Variants in CFAP206 observed in about 807,000 individuals in gnomAD.
The protein encoded by CFAP206 is cilia- and flagella-associated protein 206.
A neutral mutation model predicts 65.4 loss-of-function variants in CFAP206; 53 were observed. That is an observed-to-expected ratio of 0.81 (90% CI 0.65 to 1.02). The LOEUF (loss-of-function observed/expected upper bound fraction) is 1.02, where lower values mean the gene tolerates loss of function less well. Ranked by LOEUF, CFAP206 falls within the 50% of genes least tolerant of loss-of-function variation. The pLI is 0.00. For synonymous variants in CFAP206, 250 were observed against 254.4 expected (o/e 0.98, Z 0.17); for missense variants, 663 against 753.2 (o/e 0.88, Z 1.40).
chr6:87,430,580 T>C (rs1768139520), intron 9 of CFAP206, among the ~76,000 whole-genome samples: 1 of 152,206 alleles, frequency 6.6e-6, no homozygotes, highest in Non-Finnish European at 1.5e-5. Context: ...CCTAGCATAT[T>C]ATTAAGAACA....
intron 3 of CFAP206, 137 bp downstream of exon 3, chr6:87,410,805 A>G (rs957745986): frequency 3.3e-5 from 22 of 664,722 alleles, no homozygotes; most frequent in Middle Eastern, 7.7e-4. Flanking sequence ...TATTTTTCTC[A>G]TAACACAAAA....
intron 9 of CFAP206, 127 bp from the exon 10 acceptor site, chr6:87,430,906 G>GT: frequency 1.2e-6 from 1 of 837,912 alleles, no homozygotes; most frequent in East Asian, 2.7e-5. Flanking sequence ...TGAATATCAA[G>GT]TTTTTGCCCA....
chr6:87,411,566 T>C (rs1767736077), intron 3 of CFAP206, among the ~76,000 whole-genome samples: 1 of 152,258 alleles, frequency 6.6e-6, no homozygotes, highest in Non-Finnish European at 1.5e-5. Flanking sequence ...CTGTTGCATT[T>C]ACTTTTAAGT....
intron 10 of CFAP206, among the ~76,000 whole-genome samples, chr6:87,431,391 G>A (rs1233942448): frequency 2.0e-5 from 3 of 152,244 alleles, no homozygotes; most frequent in Non-Finnish European, 4.4e-5. Flanking sequence ...AATGGAAAGT[G>A]TATATGTGTT....
At chr6:87,426,484 A>G in intron 7 of CFAP206, 42 bp from the exon 8 acceptor site, 3 of 1,411,118 alleles carry the variant, frequency 2.1e-6, no homozygotes, top group Non-Finnish European at 2.9e-6. Flanking sequence ...TTTTTATAGT[A>G]GAATTATAAA....
intron 11 of CFAP206, among the ~76,000 whole-genome samples, chr6:87,454,853 A>AAC (rs891380958): frequency 1.3e-5 from 2 of 150,586 alleles, no homozygotes; most frequent in Non-Finnish European, 3.0e-5. Context: ...TCAAAAAAAA[A>AAC]AAAAAACAAA....
intron 11 of CFAP206, among the ~76,000 whole-genome samples, chr6:87,450,475 A>ATGTGTGTGTGTGTG (rs55870560): frequency 2.5e-4 from 32 of 130,402 alleles, no homozygotes; most frequent in African/African-American, 6.2e-4. Context: ...ATAAATGAAA[A>ATGTGTGTGTGTGTG]TGTGTGTGTG....
intron 11 of CFAP206, among the ~76,000 whole-genome samples, chr6:87,458,247 G>A (rs1426946521): frequency 1.3e-5 from 2 of 152,056 alleles, no homozygotes; most frequent in East Asian, 1.9e-4. Context: ...AAGCCACTAT[G>A]GAGAACAGTA....
At chr6:87,451,684 A>G (rs1181231776) in intron 11 of CFAP206, among the ~76,000 whole-genome samples, 2 of 151,962 alleles carry the variant, frequency 1.3e-5, no homozygotes, top group Non-Finnish European at 2.9e-5. Flanking sequence ...CTTGGGTACC[A>G]GCTCAGTCAC....
chr6:87,420,598 T>G (rs538030577), intron 7 of CFAP206, among the ~76,000 whole-genome samples: 76 of 152,354 alleles, frequency 5.0e-4, no homozygotes, highest in African/African-American at 1.8e-3. Context: ...TTATTCATAG[T>G]CTTCACCATG....
intron 11 of CFAP206, among the ~76,000 whole-genome samples, chr6:87,449,285 A>G (rs2127955808): frequency 6.6e-6 from 1 of 152,052 alleles, no homozygotes. Context: ...AAAATACAAA[A>G]AATTAGCCAG....
intron 11 of CFAP206, among the ~76,000 whole-genome samples, chr6:87,451,081 T>G (rs1328267016): frequency 1.3e-5 from 2 of 152,168 alleles, no homozygotes; most frequent in African/African-American, 4.8e-5. Context: ...TGGGCTATAG[T>G]GTACTAGGGT....
In CFAP206 at chr6:87,435,024, C is replaced by T. The variant is rs1026714919; in HGVS notation, c.1465C>T (p.Gln489Ter). 1 of 1,604,846 alleles carries T rather than the reference C, an allele frequency of 6.2e-7. No homozygotes were observed. Among genetic ancestry groups the T allele is most frequent in the Non-Finnish European group, 8.5e-7 (1 of 1,175,700 alleles). ...AATTCAACTATTGGAACTTCATCAACAGTTTGAAACATTTATTCCATATTC... is the reference window on the plus strand; with the variant it reads ...AATTCAACTATTGGAACTTCATCAATAGTTTGAAACATTTATTCCATATTC... ...ELIQLLELHQ[Q>*]FETFIPYSQM... The change falls in exon 11 of 13, where the codon CAG becomes TAG. Residue 489 changes from glutamine to a stop codon, truncating the protein, a stop_gained. Transcript: ENST00000369562. LOFTEE classifies it high-confidence loss of function.
At chr6:87,425,024 GTCA>G (rs1768010509) in intron 7 of CFAP206, among the ~76,000 whole-genome samples, 1 of 152,130 alleles carries the variant, frequency 6.6e-6, no homozygotes, top group Admixed American at 6.6e-5. Context: ...TGCTTATCCT[GTCA>G]TCAACTTTTA....
intron 2 of CFAP206, 104 bp from the exon 3 acceptor site, chr6:87,410,481 A>T: frequency 1.2e-6 from 1 of 843,662 alleles, no homozygotes; most frequent in Non-Finnish European, 2.0e-6. Flanking sequence ...CGTAATCAAG[A>T]GGTAGTTGTT....
intron 11 of CFAP206, among the ~76,000 whole-genome samples, chr6:87,436,401 A>G (rs905540807): frequency 3.9e-5 from 6 of 151,902 alleles, no homozygotes; most frequent in African/African-American, 1.5e-4. Context: ...TGCTATTTTT[A>G]TCAACATTTT....
chr6:87,408,581 TCC>T (rs1767670890), intron 1 of CFAP206: 2 of 72,442 alleles, frequency 2.8e-5, no homozygotes, highest in Admixed American at 2.6e-4. Context: ...CGCACACAGA[TCC>T]GGAGCGCGCA....
At position 87,443,025 on chromosome 6, in the gene CFAP206, A is replaced by G. The variant is rs529934821; in HGVS notation, c.1494+7972A>G. Among the ~76,000 whole-genome samples, 2 of 152,042 alleles carry G rather than the reference A, an allele frequency of 1.3e-5. 1 individual carries two copies. The highest frequency in any genetic ancestry group is 4.1e-4 in the South Asian group (2 of 4,828). On this transcript the variant is annotated intron_variant, in intron 11 of 12. Coordinates refer to ENST00000369562, the MANE Select transcript of CFAP206 (RefSeq NM_001031743.3). ...AATGTTTTATATTTTCTTTTCTCTG[A>G]AAGAATTTATGTATAATTGGAATTA...
At chr6:87,446,316 T>A (rs1768440124) in intron 11 of CFAP206, among the ~76,000 whole-genome samples, 1 of 152,194 alleles carries the variant, frequency 6.6e-6, no homozygotes, top group African/African-American at 2.4e-5. Context: ...GATTTTCCTT[T>A]AGGGTTTTTA....
Sources: allele counts gnomAD v4.1 joint callset (sites outside exome capture counted in the v4.1 genomes callset), GRCh38; gene constraint gnomAD v4.1.1; transcripts MANE v1.5; gene names NCBI Gene and HGNC (gene_info 2026-07-23, HGNC 2026-07-21).